CADM2: variants seen among roughly 807,000 people sequenced by gnomAD.
CADM2 encodes the protein immunoglobulin superfamily member 4D.
In CADM2, 12 loss-of-function variants were observed where a neutral mutation model predicts 49.8. The ratio of observed to expected loss-of-function variants is 0.24; its 90% CI spans 0.15 to 0.39. The LOEUF (loss-of-function observed/expected upper bound fraction) is 0.39, where lower values mean the gene tolerates loss of function less well. Ranked by LOEUF, CADM2 falls within the 10% of genes least tolerant of loss-of-function variation. The probability of loss-of-function intolerance (pLI) is 1.00; values close to 1 mark genes in which losing one functional copy is unlikely to be tolerated. For synonymous variants in CADM2, 214 were observed against 175.4 expected, an observed-to-expected ratio of 1.22 and a Z score of -1.74; for missense variants, 378 against 492.3, an observed-to-expected ratio of 0.77 and a Z score of 2.20.
intron 1 of CADM2, among the ~76,000 whole-genome samples, chr3:85,562,785 T>C (rs1336346683): frequency 3.3e-5 from 5 of 152,178 alleles, no homozygotes; most frequent in Non-Finnish European, 7.4e-5. Flanking sequence ...CCTTGCCTTA[T>C]TGCACTTACC....
chr3:85,215,905 C>G (rs565644685), intron 1 of CADM2, among the ~76,000 whole-genome samples: 128 of 152,202 alleles, frequency 8.4e-4, no homozygotes, highest in African/African-American at 2.9e-3. Context: ...CCCACAAGCA[C>G]ACAGGTTCTC....
intron 2 of CADM2, among the ~76,000 whole-genome samples, chr3:85,779,669 G>T (rs2070535645): frequency 6.6e-6 from 1 of 152,122 alleles, no homozygotes. Flanking sequence ...AATACGTGGG[G>T]ATTATGGGAA....
intron 1 of CADM2, among the ~76,000 whole-genome samples, chr3:85,553,738 A>C (rs2107134456): frequency 6.6e-6 from 1 of 152,286 alleles, no homozygotes; most frequent in Non-Finnish European, 1.5e-5. Context: ...ATGTCAATTC[A>C]GGCGTAAACG....
intron 1 of CADM2, among the ~76,000 whole-genome samples, chr3:85,567,134 G>A (rs912623104): frequency 6.6e-6 from 1 of 152,144 alleles, no homozygotes; most frequent in African/African-American, 2.4e-5. Flanking sequence ...TCACAGGCCA[G>A]TGTTGACAAT....
intron 1 of CADM2, among the ~76,000 whole-genome samples, chr3:85,093,109 C>T (rs750171508): frequency 1.3e-5 from 2 of 152,148 alleles, no homozygotes; most frequent in Non-Finnish European, 2.9e-5. Flanking sequence ...ATTCATAGGT[C>T]CAGCATTCCT....
intron 1 of CADM2, among the ~76,000 whole-genome samples, chr3:85,456,839 T>C (rs570112835): frequency 5.3e-5 from 8 of 151,762 alleles, no homozygotes; most frequent in African/African-American, 9.7e-5. Flanking sequence ...TTTTCTTTTT[T>C]TTTTTTTCGA....
chr3:85,703,924 C>T (rs1367768975), intron 1 of CADM2, among the ~76,000 whole-genome samples: 2 of 152,158 alleles, frequency 1.3e-5, no homozygotes, highest in African/African-American at 4.8e-5. Flanking sequence ...GTTTCCTGAA[C>T]CCCTTCTACA....
chr3:85,895,602 G>A (rs1715114742), intron 5 of CADM2, among the ~76,000 whole-genome samples: 1 of 152,128 alleles, frequency 6.6e-6, no homozygotes, highest in South Asian at 2.1e-4. Context: ...GGGGCAATCT[G>A]TGTCCCCATC....
intron 1 of CADM2, among the ~76,000 whole-genome samples, chr3:85,107,918 T>G (rs2038307755): frequency 6.6e-6 from 1 of 151,948 alleles, no homozygotes; most frequent in African/African-American, 2.4e-5. Flanking sequence ...GCCAGGCTGG[T>G]CTCGAACTCC....
At chr3:85,144,171 T>C (rs1243444537) in intron 1 of CADM2, among the ~76,000 whole-genome samples, 1 of 152,060 alleles carries the variant, frequency 6.6e-6, no homozygotes, top group African/African-American at 2.4e-5. Flanking sequence ...TGACCCACTA[T>C]TACATTACCT....
At chr3:85,583,184 T>C (rs2107305410) in intron 1 of CADM2, among the ~76,000 whole-genome samples, 1 of 152,256 alleles carries the variant, frequency 6.6e-6, no homozygotes, top group South Asian at 2.1e-4. Context: ...GCAGCTATTA[T>C]AAGAACTCGA....
chr3:85,546,169 A>T (rs1437853563), intron 1 of CADM2, among the ~76,000 whole-genome samples: 1 of 152,192 alleles, frequency 6.6e-6, no homozygotes, highest in East Asian at 1.9e-4. Context: ...TAAGAAGGTG[A>T]TCTGATAAGA....
At chr3:85,194,230 T>C (rs2041282316) in intron 1 of CADM2, among the ~76,000 whole-genome samples, 1 of 152,074 alleles carries the variant, frequency 6.6e-6, no homozygotes, top group South Asian at 2.1e-4. Flanking sequence ...TCAATTATTC[T>C]GGACCAGAGA....
chr3:85,431,170 G>C (rs1576541465), intron 1 of CADM2, among the ~76,000 whole-genome samples: 1 of 152,116 alleles, frequency 6.6e-6, no homozygotes. Flanking sequence ...TTTGTACCTA[G>C]AAGCAATAGG....
intron 1 of CADM2, among the ~76,000 whole-genome samples, chr3:85,307,152 C>A (rs529822426): frequency 2.6e-5 from 4 of 151,316 alleles, no homozygotes; most frequent in Admixed American, 1.3e-4. Flanking sequence ...TATTAATTTA[C>A]GTATATGCAT....
intron 1 of CADM2, among the ~76,000 whole-genome samples, chr3:85,076,831 G>A (rs907370925): frequency 6.6e-6 from 1 of 151,970 alleles, no homozygotes; most frequent in African/African-American, 2.4e-5. Context: ...AATTACAAGG[G>A]CGTGGTGGCA....
intron 2 of CADM2, among the ~76,000 whole-genome samples, chr3:85,777,806 T>G (rs1402427657): frequency 6.6e-6 from 1 of 152,190 alleles, no homozygotes; most frequent in Admixed American, 6.5e-5. Context: ...GCTTTTTATG[T>G]GTTCCAGTAT....
chr3:85,276,378 C>G (rs907430107), intron 1 of CADM2, among the ~76,000 whole-genome samples: 4 of 151,178 alleles, frequency 2.6e-5, no homozygotes, highest in African/African-American at 9.7e-5. Context: ...TTTAAAAATC[C>G]TTTGGATCAA....
At chr3:85,714,284 C>T (rs1029385397) in intron 1 of CADM2, among the ~76,000 whole-genome samples, 1 of 152,012 alleles carries the variant, frequency 6.6e-6, no homozygotes, top group African/African-American at 2.4e-5. Context: ...TCAATGACTA[C>T]TTGCTTGAAC....
Sources: allele counts gnomAD v4.1 joint callset (sites outside exome capture counted in the v4.1 genomes callset), GRCh38; gene constraint gnomAD v4.1.1; transcripts MANE v1.5; gene names NCBI Gene and HGNC (gene_info 2026-07-23, HGNC 2026-07-21).